DOCK8: variants seen among roughly 807,000 people sequenced by gnomAD.
The protein encoded by DOCK8 is dedicator of cytokinesis protein 8.
DOCK8 carries 141 observed loss-of-function variants against 245.6 expected under a neutral mutation model. That is an observed-to-expected ratio of 0.57 (90% confidence interval 0.50 to 0.66). The LOEUF is 0.66. DOCK8 is among the 30% of genes least tolerant of loss of function. The pLI, the probability that DOCK8 is intolerant of heterozygous loss-of-function variation, is 0.00. For synonymous variants in DOCK8, 1,168 were observed against 970.2 expected (o/e 1.20, Z -3.79); for missense variants, 2,965 against 2,603.4 (o/e 1.14, Z -3.02).
chr9:339,646 C>G (rs965952912), intron 13 of DOCK8, among the ~76,000 whole-genome samples: 5 of 152,230 alleles, frequency 3.3e-5, no homozygotes, highest in African/African-American at 9.6e-5. Flanking sequence ...TCCCGAGTAG[C>G]TGGGACTACA....
At chr9:431,243 C>T (rs546360672) in intron 36 of DOCK8, among the ~76,000 whole-genome samples, 1 of 152,038 alleles carries the variant, frequency 6.6e-6, no homozygotes, top group Non-Finnish European at 1.5e-5. Flanking sequence ...GTCAAGTTTG[C>T]TTTAGTTTGT....
At chr9:295,808 A>C (rs904409919) in intron 4 of DOCK8, among the ~76,000 whole-genome samples, 3 of 152,158 alleles carry the variant, frequency 2.0e-5, no homozygotes, top group African/African-American at 7.2e-5. Context: ...GGAGTAGAGT[A>C]ATGGCCACTT....
chr9:285,948 G>C (rs2048807225), intron 2 of DOCK8, among the ~76,000 whole-genome samples: 1 of 152,080 alleles, frequency 6.6e-6, no homozygotes, highest in African/African-American at 2.4e-5. Flanking sequence ...TTCACTGTCA[G>C]CTATGATTAT....
At chr9:296,761 G>A (rs929832918) in intron 4 of DOCK8, among the ~76,000 whole-genome samples, 2 of 152,154 alleles carry the variant, frequency 1.3e-5, no homozygotes, top group African/African-American at 4.8e-5. Context: ...AGCACGCCCG[G>A]CTCATCAGCC....
At chr9:373,233 TCA>T (rs1563978662) in intron 18 of DOCK8, among the ~76,000 whole-genome samples, 1 of 152,178 alleles carries the variant, frequency 6.6e-6, no homozygotes, top group Non-Finnish European at 1.5e-5. Context: ...GCACCAGCTG[TCA>T]CACTGCTAGC....
At chr9:435,383 C>T (rs1263835138) in intron 39 of DOCK8, among the ~76,000 whole-genome samples, 7 of 150,660 alleles carry the variant, frequency 4.6e-5, no homozygotes, top group African/African-American at 1.2e-4. Context: ...TGAACCTCCC[C>T]GTAAAGCTGT....
chr9:218,698 T>G (rs1055831416), intron 1 of DOCK8, among the ~76,000 whole-genome samples: 6 of 152,130 alleles, frequency 3.9e-5, no homozygotes, highest in African/African-American at 1.4e-4. Context: ...ACAGAATAGA[T>G]GTAAAATTTG....
intron 46 of DOCK8, among the ~76,000 whole-genome samples, chr9:455,345 A>C (rs1484668524): frequency 1.3e-5 from 2 of 151,326 alleles, no homozygotes; most frequent in Non-Finnish European, 2.9e-5. Flanking sequence ...AAATACAAAA[A>C]AATACAAAAA....
At chr9:406,161 G>T (rs1381728786) in intron 27 of DOCK8, among the ~76,000 whole-genome samples, 1 of 152,132 alleles carries the variant, frequency 6.6e-6, no homozygotes, top group Non-Finnish European at 1.5e-5. Context: ...GTAGTTCCAG[G>T]CCAGCAAAAG....
chr9:268,865 A>G (rs1347063743), intron 1 of DOCK8, among the ~76,000 whole-genome samples: 2 of 152,352 alleles, frequency 1.3e-5, no homozygotes, highest in Middle Eastern at 6.8e-3. Context: ...CTCATGCAAT[A>G]TAGACCTTTG....
At chr9:258,864 T>C (rs1338530068) in intron 1 of DOCK8, among the ~76,000 whole-genome samples, 32 of 151,986 alleles carry the variant, frequency 2.1e-4, no homozygotes. Context: ...TCCCAAAGTG[T>C]TGGGATTACG....
intron 28 of DOCK8, among the ~76,000 whole-genome samples, chr9:410,404 A>G (rs1205671657): frequency 6.6e-6 from 1 of 151,978 alleles, no homozygotes; most frequent in Non-Finnish European, 1.5e-5. Flanking sequence ...ATTTTTTTTC[A>G]ACTGTATGTC....
intron 7 of DOCK8, among the ~76,000 whole-genome samples, chr9:318,023 A>T (rs7028721): frequency 5.7e-4 from 87 of 152,186 alleles, no homozygotes; most frequent in African/African-American, 2.1e-3. Context: ...GTACTTTCAT[A>T]TTAAAATATT....
At chr9:239,289 G>GTTGGAC (rs1325584598) in intron 1 of DOCK8, among the ~76,000 whole-genome samples, 2 of 152,198 alleles carry the variant, frequency 1.3e-5, no homozygotes, top group Non-Finnish European at 2.9e-5. Context: ...TAAAAGGAAA[G>GTTGGAC]TTGGACTTTA....
At chr9:248,929 A>G (rs1168768250) in intron 1 of DOCK8, among the ~76,000 whole-genome samples, 1 of 152,202 alleles carries the variant, frequency 6.6e-6, no homozygotes. Flanking sequence ...ACTTCATTCT[A>G]GGTGACAGAG....
Position 246,982 on chromosome 9 carries a change from G to GA in DOCK8, c.54-24637dup, listed in dbSNP as rs1228645790. On this transcript the variant is annotated intron_variant, in intron 1 of 47. Transcript: ENST00000432829. The stretch of plus-strand genomic sequence containing the variant: ...AAGTTAGATAAAGGGTGATACCACA[G>GA]AAAAAAAATGAGATTTTTCTCTTTA... Among the ~76,000 whole-genome samples, 3 of 151,660 alleles carry GA rather than the reference G, an allele frequency of 2.0e-5. No individual in the cohort carries two copies. The South Asian group carries it at 6.2e-4, about 32-fold the overall frequency.
intron 6 of DOCK8, chr9:312,370 A>G (rs759622810): frequency 5.3e-5 from 37 of 700,718 alleles, no homozygotes; most frequent in African/African-American, 4.2e-4. Context: ...GGATTCTGAT[A>G]ATAATAACAA....
chr9:320,102 C>A (rs2050523062), intron 7 of DOCK8, among the ~76,000 whole-genome samples: 1 of 152,158 alleles, frequency 6.6e-6, no homozygotes. Flanking sequence ...AACAAACACT[C>A]ACGGAAAAAG....
At position 464,816 on chromosome 9, in the gene DOCK8, T is replaced by C. The variant is rs2057920441; in HGVS notation, c.*597T>C. 2 of 158,856 alleles carry C rather than the reference T, an allele frequency of 1.3e-5. No individual in the cohort carries two copies. Among genetic ancestry groups the C allele is most frequent in the African/African-American group, 4.8e-5 (2 of 41,494 alleles). 9.8% of individuals were successfully genotyped at this position (158,856 alleles called of 1,614,324 possible). Reference sequence around the variant, plus strand: ...TGGTGGACTAATTGCTGTATAGTTATTTTTGTTTTATTATTACTGTTACAT... The same window carrying C: ...TGGTGGACTAATTGCTGTATAGTTACTTTTGTTTTATTATTACTGTTACAT... On this transcript the variant is annotated 3_prime_UTR_variant, in exon 48 of 48. Coordinates refer to ENST00000432829, the MANE Select transcript of DOCK8 (RefSeq NM_203447.4).
Sources: allele counts gnomAD v4.1 joint callset (sites outside exome capture counted in the v4.1 genomes callset), GRCh38; gene constraint gnomAD v4.1.1; transcripts MANE v1.5; gene names NCBI Gene and HGNC (gene_info 2026-07-23, HGNC 2026-07-21).